RARS2: variants seen among roughly 807,000 people sequenced by gnomAD.
RARS2 encodes the protein arginyl-tRNA synthetase 2, mitochondrial, also known as probable arginine--tRNA ligase, mitochondrial.
Under a neutral mutation model 88.5 loss-of-function variants are expected in RARS2, and 67 were observed. The ratio of observed to expected loss-of-function variants is 0.76; its 90% CI spans 0.62 to 0.93. RARS2 has a LOEUF of 0.93. Ranked by LOEUF, RARS2 falls within the 40% of genes least tolerant of loss-of-function variation. RARS2 has a pLI of 0.00. For synonymous variants in RARS2, 239 were observed against 230.3 expected (o/e 1.04, Z -0.34); for missense variants, 664 against 684.2 (o/e 0.97, Z 0.33).
In RARS2 at chr6:87,514,421, T is replaced by C. The variant is rs747906823; in HGVS notation, c.1729A>G (p.Arg577Gly). 2.5e-6 allele frequency: 4 copies of C among 1,601,380 alleles called. No individual in the cohort carries two copies. In the South Asian group the frequency reaches 4.4e-5, roughly 18 times the overall value. Residue 577 changes from arginine (R) to glycine (G), a missense_variant, in exon 20 of 20, where the codon AGG becomes GGG. By Grantham distance (125) the Arg-to-Gly change is moderately radical (BLOSUM62 -2). Transcript: ENST00000369536. ...MKLLGITPVC[R>G]M ...AGCCATTTTAATGGAAATTACATCC[T>C]ACATACAGGTGTTATTCCAAGAAGT... is the stretch of plus-strand genomic sequence containing the variant.
intron 1 of RARS2, among the ~76,000 whole-genome samples, chr6:87,573,741 T>C (rs1414738550): frequency 6.6e-6 from 1 of 151,034 alleles, no homozygotes; most frequent in East Asian, 1.9e-4. Flanking sequence ...AGTAGTGAAA[T>C]GAAAGCTTCT....
chr6:87,544,481 G>C (rs1247273208), intron 7 of RARS2, among the ~76,000 whole-genome samples: 1 of 152,228 alleles, frequency 6.6e-6, no homozygotes, highest in African/African-American at 2.4e-5. Flanking sequence ...TACCATACTT[G>C]AGTAGAGCTG....
intron 17 of RARS2, among the ~76,000 whole-genome samples, chr6:87,517,743 A>G (rs1273305192): frequency 6.6e-6 from 1 of 152,214 alleles, no homozygotes; most frequent in Non-Finnish European, 1.5e-5. Context: ...TCACATACAT[A>G]TATGTATTTG....
intron 1 of RARS2, among the ~76,000 whole-genome samples, chr6:87,580,499 G>T (rs1773151200): frequency 6.6e-6 from 1 of 151,610 alleles, no homozygotes; most frequent in Non-Finnish European, 1.5e-5. Context: ...TTCTTGCCAG[G>T]TGCAGTTGCT....
chr6:87,559,914 T>C (rs1237191749), intron 4 of RARS2, among the ~76,000 whole-genome samples: 1 of 152,230 alleles, frequency 6.6e-6, no homozygotes, highest in South Asian at 2.1e-4. Context: ...TTCCTATGTT[T>C]AGACATGTTA....
At chr6:87,585,504 G>A (rs1245540674) in intron 1 of RARS2, among the ~76,000 whole-genome samples, 1 of 152,210 alleles carries the variant, frequency 6.6e-6, no homozygotes. Context: ...GCTGAGATGG[G>A]TGGATCATGA....
intron 1 of RARS2, among the ~76,000 whole-genome samples, chr6:87,578,884 T>C (rs1406230032): frequency 1.6e-5 from 2 of 122,358 alleles, no homozygotes; most frequent in South Asian, 2.8e-4. Context: ...CACTTGAACC[T>C]GGGAGGCAGA....
intron 11 of RARS2, among the ~76,000 whole-genome samples, chr6:87,524,026 A>G (rs1297778995): frequency 6.6e-6 from 1 of 151,980 alleles, no homozygotes; most frequent in Non-Finnish European, 1.5e-5. Flanking sequence ...AAATTATGGT[A>G]GTTAATATAA....
chr6:87,551,561 C>G (rs1258842422), intron 5 of RARS2, among the ~76,000 whole-genome samples: 3 of 131,702 alleles, frequency 2.3e-5, no homozygotes, highest in Admixed American at 9.5e-5. Flanking sequence ...ACCGGGGAGG[C>G]AGAGGCTGCA....
intron 8 of RARS2, among the ~76,000 whole-genome samples, chr6:87,540,977 T>C (rs189516465): frequency 4.6e-5 from 7 of 152,268 alleles, no homozygotes; most frequent in Admixed American, 2.6e-4. Flanking sequence ...TCAAGTCTAA[T>C]TGATATACAG....
intron 10 of RARS2, among the ~76,000 whole-genome samples, chr6:87,528,245 A>C (rs71554730): frequency 9.9e-5 from 12 of 121,068 alleles, no homozygotes; most frequent in African/African-American, 2.1e-4. Flanking sequence ...TTTATAACAA[A>C]AAAAAAAAAA....
At chr6:87,588,025 C>A (rs1040481232) in intron 1 of RARS2, among the ~76,000 whole-genome samples, 3 of 152,122 alleles carry the variant, frequency 2.0e-5, no homozygotes, top group Non-Finnish European at 4.4e-5. Context: ...CCTCCCACCT[C>A]GGCCTCTCAA....
At chr6:87,515,082 G>A in intron 18 of RARS2, 62 bp from the exon 19 acceptor site, 1 of 1,212,930 alleles carries the variant, frequency 8.2e-7, no homozygotes, top group Non-Finnish European at 1.2e-6. Context: ...TAAGATATGA[G>A]CTTGATATCT....
chr6:87,589,185 C>T (rs1049528038), intron 1 of RARS2, among the ~76,000 whole-genome samples: 12 of 152,182 alleles, frequency 7.9e-5, no homozygotes, highest in African/African-American at 2.7e-4. Context: ...GCCAATGAGT[C>T]TTAAAAATTC....
intron 4 of RARS2, among the ~76,000 whole-genome samples, chr6:87,556,717 G>A (rs962708722): frequency 4.0e-5 from 6 of 149,682 alleles, no homozygotes; most frequent in African/African-American, 1.5e-4. Flanking sequence ...GCTTGAACCT[G>A]GGAAGCAGAG....
At position 87,514,220 on chromosome 6, in the gene RARS2, A is replaced by T. The variant is rs1770775150; in HGVS notation, c.*193T>A. On this transcript the variant is annotated 3_prime_UTR_variant, in exon 20 of 20. Coordinates refer to ENST00000369536, the MANE Select transcript of RARS2 (RefSeq NM_020320.5). ...CAGCTACTCAGGAGGCTGAGGCAGG[A>T]GAATTGCTTGAACCTGGGAGGTGGA... is the stretch of plus-strand genomic sequence containing the variant. Among the ~76,000 whole-genome samples, 1 of 151,800 alleles carries T rather than the reference A, an allele frequency of 6.6e-6. No individual in the cohort carries two copies. Among genetic ancestry groups the T allele is most frequent in the African/African-American group, 2.4e-5 (1 of 41,312 alleles).
At chr6:87,581,072 AAT>A (rs891291985) in intron 1 of RARS2, among the ~76,000 whole-genome samples, 4 of 152,178 alleles carry the variant, frequency 2.6e-5, no homozygotes, top group African/African-American at 9.7e-5. Context: ...TACAATGGCA[AAT>A]ATGATTCTTA....
chr6:87,539,994 T>C (rs1476953268), intron 8 of RARS2, among the ~76,000 whole-genome samples: 5 of 152,094 alleles, frequency 3.3e-5, no homozygotes, highest in Admixed American at 6.5e-5. Context: ...TAGACAACCA[T>C]GAAGAATTAT....
chr6:87,516,420 C>T (rs890810072), intron 18 of RARS2, among the ~76,000 whole-genome samples: 2 of 152,194 alleles, frequency 1.3e-5, no homozygotes, highest in Admixed American at 6.5e-5. Context: ...TGTATTATTA[C>T]GTTCTTGCTC....
Sources: gnomAD v4.1 joint callset for allele counts (sites outside exome capture counted in the v4.1 genomes callset) on GRCh38, gnomAD v4.1.1 for gene constraint, MANE v1.5 for transcripts, NCBI Gene and HGNC (gene_info 2026-07-23, HGNC 2026-07-21) for gene names.